Variants in SRGAP2 observed in about 807,000 individuals in gnomAD.
SRGAP2 encodes the protein SLIT-ROBO Rho GTPase-activating protein 2.
Under a neutral mutation model 57.2 loss-of-function variants are expected in SRGAP2, and 15 were observed. The ratio of observed to expected loss-of-function variants is 0.26; its 90% CI spans 0.18 to 0.40. The LOEUF (loss-of-function observed/expected upper bound fraction) is 0.40. Ranked by LOEUF, SRGAP2 falls within the 10% of genes least tolerant of loss-of-function variation. The pLI, the probability that SRGAP2 is intolerant of heterozygous loss-of-function variation, is 1.00. For synonymous variants in SRGAP2, 249 were observed against 248.0 expected, an observed-to-expected ratio of 1.00 and a Z score of -0.04; for missense variants, 520 against 669.6, an observed-to-expected ratio of 0.78 and a Z score of 2.47.
chr1:206,335,101 A>G (rs1674676833), intron 3 of SRGAP2, among the ~76,000 whole-genome samples: 1 of 149,566 alleles, frequency 6.7e-6, no homozygotes, highest in South Asian at 2.1e-4. Flanking sequence ...TACCCTTGCT[A>G]TGGTGTTTTA....
chr1:206,458,298 T>G (rs1553379101), intron 21 of SRGAP2: 3 of 526,130 alleles, frequency 5.7e-6, no homozygotes, highest in South Asian at 1.6e-5. Context: ...TCATGGCAGG[T>G]CACAGAAGGG....
rs189381899 is a variant in SRGAP2, at chr1:206,451,150, G to A, written c.2179+685G>A. On this transcript the variant is annotated intron_variant, in intron 19 of 22. Transcript: ENST00000573034. ...AAAAAAAAAAAAAAAGTAAGCCTGG[G>A]GTGGGAAATAGCAGAGCTGGTTGCC... 3.0e-3 allele frequency among the ~76,000 whole-genome samples: 457 copies of A among 151,782 alleles called. 1 individual carries two copies. Among genetic ancestry groups the A allele is most frequent in the Non-Finnish European group, 4.8e-3 (325 of 67,912 alleles).
At position 206,460,946 on chromosome 1, in the gene SRGAP2, T is replaced by G. The variant is rs554011928; in HGVS notation, c.2833-91T>G. On this transcript the variant is annotated intron_variant, in intron 22 of 22. Transcript: ENST00000573034. ...ATAATCTGGACATCTTACGGTCATTTTCTTCATGCCTTGGCCTGTGTTGTT... is the reference window on the plus strand; with the variant it reads ...ATAATCTGGACATCTTACGGTCATTGTCTTCATGCCTTGGCCTGTGTTGTT... The G allele has an allele frequency of 2.4e-5, 15 of 616,548 alleles. No homozygotes were observed. In the African/African-American group the frequency reaches 2.5e-4, roughly 10 times the overall value. The allele number at this position is 616,548 out of a possible 1,614,324, so 38.2% of individuals were successfully genotyped here. A position where few individuals can be genotyped will look rare whatever the true frequency, so the allele number is the denominator to read the frequency against.
At position 206,372,920 on chromosome 1, in the gene SRGAP2, T is replaced by C. The variant is rs1259805221; in HGVS notation, c.424-11094T>C. Among the ~76,000 whole-genome samples the C allele has an allele frequency of 0.011, 73 of 6,820 alleles. 4 individuals carry two copies. The African/African-American group carries it at 0.12, about 11-fold the overall frequency. The allele number at this position is 6,820 out of a possible 152,430, so 4.5% of individuals were successfully genotyped here. On this transcript the variant is annotated intron_variant, in intron 4 of 22. Coordinates refer to ENST00000573034, the MANE Select transcript of SRGAP2 (RefSeq NM_015326.5). ...TCTCCTTTCTTTCTTTCTTTCTTTC[T>C]TTCTTTCTTTCTTTCTTTCTTTCTT...
chr1:206,426,354 A>G (rs1286735375), intron 13 of SRGAP2, among the ~76,000 whole-genome samples: 1 of 152,176 alleles, frequency 6.6e-6, no homozygotes, highest in African/African-American at 2.4e-5. Context: ...TATATACCAC[A>G]TTTTACCCAT....
At chr1:206,383,349 A>G (rs1166061230) in intron 4 of SRGAP2, among the ~76,000 whole-genome samples, 4 of 151,196 alleles carry the variant, frequency 2.6e-5, no homozygotes, top group African/African-American at 9.8e-5. Context: ...CTACTGCTCT[A>G]TGTAGTTAGA....
intron 3 of SRGAP2, among the ~76,000 whole-genome samples, chr1:206,319,058 T>C (rs1673263621): frequency 6.6e-6 from 1 of 152,202 alleles, no homozygotes; most frequent in South Asian, 2.1e-4. Context: ...TTATGGGCTT[T>C]GTCTTGGATT....
chr1:206,419,258 A>G, intron 11 of SRGAP2, 115 bp from the exon 12 acceptor site: 2 of 704,996 alleles, frequency 2.8e-6, no homozygotes, highest in Admixed American at 2.0e-5. Context: ...TTTGCCACAC[A>G]CTGTTATACT....
intron 18 of SRGAP2, among the ~76,000 whole-genome samples, chr1:206,449,505 G>C (rs1160004932): frequency 2.0e-5 from 3 of 150,108 alleles, no homozygotes; most frequent in Non-Finnish European, 4.4e-5. Flanking sequence ...GCCCAGGCTG[G>C]TCCCAAACTC....
At chr1:206,372,964 C>CCTTCCTTCCTTT (rs1654760418) in intron 4 of SRGAP2, among the ~76,000 whole-genome samples, 2 of 23,358 alleles carry the variant, frequency 8.6e-5, no homozygotes, top group Non-Finnish European at 7.6e-5. Flanking sequence ...TCTTTTCTTT[C>CCTTCCTTCCTTT]CTTTCTTTCT....
intron 2 of SRGAP2, among the ~76,000 whole-genome samples, chr1:206,278,506 T>C (rs1212062327): frequency 7.0e-6 from 1 of 142,746 alleles, no homozygotes; most frequent in East Asian, 2.0e-4. Context: ...CATACCACTA[T>C]GCCTGGCTAA....
At chr1:206,340,464 T>C (rs1253662935) in intron 3 of SRGAP2, among the ~76,000 whole-genome samples, 1 of 151,406 alleles carries the variant, frequency 6.6e-6, no homozygotes, top group Non-Finnish European at 1.5e-5. Flanking sequence ...TGGAATTGAA[T>C]TGTGGCATTA....
rs3833477 is a variant in SRGAP2, at chr1:206,461,900, T to TAC, written c.*508_*509dup. 3,998 of 151,648 alleles carry TAC rather than the reference T, an allele frequency of 0.026. 55 individuals are homozygous for TAC. Among genetic ancestry groups the TAC allele is most frequent in the South Asian group, 0.066 (326 of 4,918 alleles). The allele number at this position is 151,648 out of a possible 1,614,324, so 9.4% of individuals were successfully genotyped here. A position where few individuals can be genotyped will look rare whatever the true frequency, so the allele number is the denominator to read the frequency against. ...ACATATTTTACACACACACACATTT[T>TAC]ACACACACACACACACACACACACA... On this transcript the variant is annotated 3_prime_UTR_variant, in exon 23 of 23. Transcript: ENST00000573034.
chr1:206,453,791 C>G (rs1663565582), intron 20 of SRGAP2: 1 of 294,204 alleles, frequency 3.4e-6, no homozygotes, highest in South Asian at 1.2e-4. Context: ...CTCACCCCAA[C>G]CTGTTGAGCC....
intron 2 of SRGAP2, among the ~76,000 whole-genome samples, chr1:206,268,521 T>C (rs192707084): frequency 2.6e-5 from 4 of 152,252 alleles, no homozygotes; most frequent in African/African-American, 9.6e-5. Flanking sequence ...GTAAATGATA[T>C]ATGTTCTGAA....
Position 206,454,246 on chromosome 1 carries a change from G to T in SRGAP2, c.2361-632G>T. The T allele has an allele frequency of 2.9e-6, 2 of 700,912 alleles. No individual in the cohort carries two copies. The highest frequency in any genetic ancestry group is 1.5e-5 in the South Asian group (1 of 67,272). The allele number at this position is 700,912 out of a possible 1,614,324, so 43.4% of individuals were successfully genotyped here. ...AGCATCGCAAACCTGGTGGCAATCT[G>T]TGCGTGGACAGGACCCTCCCAAATT... On this transcript the variant is annotated intron_variant, in intron 20 of 22. Coordinates refer to ENST00000573034, the MANE Select transcript of SRGAP2 (RefSeq NM_015326.5). This position sits in a 1 kb window ranked among gnomAD's most constrained non-coding sequence, Gnocchi z 4.3.
intron 7 of SRGAP2, among the ~76,000 whole-genome samples, chr1:206,395,847 G>A (rs1249322181): frequency 1.6e-3 from 239 of 149,008 alleles, no homozygotes; most frequent in Non-Finnish European, 1.8e-3. Flanking sequence ...AAAAAAAAAC[G>A]TCTGCTAAGA....
intron 4 of SRGAP2, among the ~76,000 whole-genome samples, chr1:206,368,597 CT>C (rs1199010134): frequency 1.1e-5 from 1 of 88,622 alleles, no homozygotes; most frequent in Non-Finnish European, 2.2e-5. Flanking sequence ...AAAATTTAAA[CT>C]TAGAGTTGTG....
chr1:206,303,888 T>A (rs1272643357), intron 3 of SRGAP2, among the ~76,000 whole-genome samples: 11,132 of 126,252 alleles, frequency 0.088, 51 homozygotes, highest in Middle Eastern at 0.1. Flanking sequence ...TCTCTCTCTC[T>A]CACACACACA....
Sources: gnomAD v4.1 joint callset for allele counts (sites outside exome capture counted in the v4.1 genomes callset) on GRCh38, gnomAD v4.1.1 for gene constraint, Gnocchi (gnomAD v3.1) non-coding constraint, MANE v1.5 for transcripts, NCBI Gene and HGNC (gene_info 2026-07-23, HGNC 2026-07-21) for gene names.